The following SPAST variants were observed in gnomAD, a reference collection of about 807,000 sequenced individuals.
SPAST encodes spastin, also known as spastic paraplegia 4 (autosomal dominant; spastin).
SPAST carries 30 observed loss-of-function variants against 76.6 expected under a neutral mutation model. The observed-to-expected ratio is 0.39, with a 90% CI of 0.29 to 0.53. The LOEUF is 0.53. Among genes scored for constraint, SPAST ranks in the 20% least tolerant of loss-of-function variants. The pLI, the probability that SPAST is intolerant of heterozygous loss-of-function variation, is 0.68. For synonymous variants in SPAST, 305 were observed against 281.0 expected (o/e 1.09, Z -0.86); for missense variants, 717 against 770.5 (o/e 0.93, Z 0.82).
At chr2:32,101,600 A>G (rs1678128533) in intron 4 of SPAST, among the ~76,000 whole-genome samples, 1 of 152,124 alleles carries the variant, frequency 6.6e-6, no homozygotes, top group Non-Finnish European at 1.5e-5. Flanking sequence ...GGGTTTTTAT[A>G]GTTTTAGAAC....
At chr2:32,117,115 T>C (rs1678863558) in intron 7 of SPAST, among the ~76,000 whole-genome samples, 1 of 151,834 alleles carries the variant, frequency 6.6e-6, no homozygotes, top group African/African-American at 2.4e-5. Flanking sequence ...AAAAATTAGC[T>C]GGGCTTGGTG....
At chr2:32,075,896 C>CTTTTTTTT (rs1209272322) in intron 1 of SPAST, among the ~76,000 whole-genome samples, 2 of 81,764 alleles carry the variant, frequency 2.4e-5, no homozygotes, top group African/African-American at 5.1e-5. Flanking sequence ...TCAAAATGCT[C>CTTTTTTTT]TTTTTTTTTT....
At chr2:32,068,529 G>C (rs1676618034) in intron 1 of SPAST, among the ~76,000 whole-genome samples, 1 of 151,766 alleles carries the variant, frequency 6.6e-6, no homozygotes, top group East Asian at 1.9e-4. Context: ...TCACCATGTT[G>C]GCCAGGCTGT....
intron 7 of SPAST, among the ~76,000 whole-genome samples, chr2:32,117,728 T>G (rs1678889239): frequency 6.6e-6 from 1 of 151,970 alleles, no homozygotes; most frequent in African/African-American, 2.4e-5. Context: ...GATAGGGTTT[T>G]ACCATTTTGG....
At chr2:32,088,581 T>C (rs1008723565) in intron 2 of SPAST, among the ~76,000 whole-genome samples, 2 of 152,024 alleles carry the variant, frequency 1.3e-5, no homozygotes, top group Non-Finnish European at 2.9e-5. Flanking sequence ...GAGGCGGAGG[T>C]TGTGGTAAGC....
intron 3 of SPAST, among the ~76,000 whole-genome samples, chr2:32,095,567 A>G (rs557538570): frequency 6.8e-6 from 1 of 147,484 alleles, no homozygotes; most frequent in African/African-American, 2.5e-5. Context: ...CCCCATGTCT[A>G]AATTTAAAAA....
chr2:32,083,776 A>ATATATATATATT (rs1553398791), intron 1 of SPAST, among the ~76,000 whole-genome samples: 1 of 46,072 alleles, frequency 2.2e-5, no homozygotes, highest in Non-Finnish European at 3.7e-5. Context: ...ATATATATAT[A>ATATATATATATT]TTTTTTTTTT....
chr2:32,069,111 G>A (rs1175298736), intron 1 of SPAST, among the ~76,000 whole-genome samples: 1 of 151,734 alleles, frequency 6.6e-6, no homozygotes, highest in African/African-American at 2.4e-5. Context: ...TACTTGGGAC[G>A]CTGACGCAGG....
At chr2:32,094,447 A>G (rs745667361) in intron 3 of SPAST, among the ~76,000 whole-genome samples, 1 of 152,150 alleles carries the variant, frequency 6.6e-6, no homozygotes, top group Non-Finnish European at 1.5e-5. Flanking sequence ...GATACCTGGG[A>G]CAATAATGGT....
At chr2:32,128,280 C>G (rs1407885392) in intron 8 of SPAST, 128 bp from the exon 9 acceptor site, 1 of 715,270 alleles carries the variant, frequency 1.4e-6, no homozygotes, top group African/African-American at 1.8e-5. Flanking sequence ...CAGGCATGAG[C>G]CACCACACCT....
At chr2:32,108,783 T>TG (rs11412978) in intron 4 of SPAST, among the ~76,000 whole-genome samples, 1 of 145,946 alleles carries the variant, frequency 6.9e-6, no homozygotes, top group Non-Finnish European at 1.5e-5. Context: ...TTTTTTTTTT[T>TG]GTGACAGAGT....
At chr2:32,142,305 T>C (rs754080833) in intron 13 of SPAST, among the ~76,000 whole-genome samples, 1 of 152,220 alleles carries the variant, frequency 6.6e-6, no homozygotes, top group Non-Finnish European at 1.5e-5. Context: ...TCACTTCATA[T>C]ATTAAGTTTT....
At position 32,114,683 on chromosome 2, in the gene SPAST, G is replaced by A. The variant is rs955517877; in HGVS notation, c.728G>A (p.Ser243Asn). Residue 243 changes from serine (S) to asparagine (N), a missense_variant, in exon 5 of 17, where the codon AGT (serine) becomes AAT (asparagine). By Grantham distance (46) the Ser-to-Asn change is conservative. This residue lies in a region of SPAST where 543 missense variants were observed against 445.2 expected (regional missense o/e 1.22). Coordinates refer to ENST00000315285, the MANE Select transcript of SPAST (RefSeq NM_014946.4). ...AGAAAAGACCCCTTAACACACACTA[G>A]TAATTCACTGCCTCGTTCAAAAACA... ...PKRKDPLTHT[S>N]NSLPRSKTVM... 1.2e-6 allele frequency: 2 copies of A among 1,613,976 alleles called. No homozygotes were observed. The highest frequency in any genetic ancestry group is 1.7e-6 in the Non-Finnish European group (2 of 1,180,016).
Position 32,144,394 on chromosome 2 carries a change from G to A in SPAST, c.1617-543G>A, listed in dbSNP as rs149169341. On this transcript the variant is annotated intron_variant, in intron 14 of 16. Transcript: ENST00000315285. ...GGTGACATGTTTACAATTTAATGAA[G>A]CCTCTGGAGATAGTATGCCTTAATC... Among the ~76,000 whole-genome samples, 501 of 152,272 alleles carry A rather than the reference G, an allele frequency of 3.3e-3. 12 individuals are homozygous for A. In the East Asian group the frequency reaches 0.068, roughly 21 times the overall value.
At position 32,154,654 on chromosome 2, in the gene SPAST, C is replaced by T. The variant is rs1437347499; in HGVS notation, c.*158C>T. ...ACTTGAAGATGAACCAGAAAACAGA[C>T]TTAAACAAAATATACAATGCAAATG... On this transcript the variant is annotated 3_prime_UTR_variant, in exon 17 of 17. Coordinates refer to ENST00000315285, the MANE Select transcript of SPAST (RefSeq NM_014946.4). 1 of 738,796 alleles carries T rather than the reference C, an allele frequency of 1.4e-6. No homozygotes were observed. The highest frequency in any genetic ancestry group is 2.2e-6 in the Non-Finnish European group (1 of 445,844). 45.8% of individuals were successfully genotyped at this position (738,796 alleles called of 1,614,324 possible). A position where few individuals can be genotyped will look rare whatever the true frequency, so the allele number is the denominator to read the frequency against.
chr2:32,089,385 A>T, intron 2 of SPAST, 137 bp from the exon 3 acceptor site: 1 of 590,014 alleles, frequency 1.7e-6, no homozygotes, highest in Non-Finnish European at 3.0e-6. Context: ...TTTTGGGTAT[A>T]CATTTTCTTC....
intron 4 of SPAST, among the ~76,000 whole-genome samples, chr2:32,100,568 G>C (rs2148719146): frequency 6.6e-6 from 1 of 152,008 alleles, no homozygotes; most frequent in South Asian, 2.1e-4. Context: ...CCATTAACTT[G>C]TCATTTACAT....
chr2:32,151,766 C>G (rs1319455236), intron 16 of SPAST, among the ~76,000 whole-genome samples: 1 of 151,964 alleles, frequency 6.6e-6, no homozygotes, highest in Non-Finnish European at 1.5e-5. Flanking sequence ...AAAAATTAGC[C>G]GGGCGTGGTG....
intron 1 of SPAST, among the ~76,000 whole-genome samples, chr2:32,080,191 T>A (rs953847214): frequency 1.3e-5 from 2 of 152,230 alleles, no homozygotes; most frequent in African/African-American, 4.8e-5. Context: ...GCTCAGCATT[T>A]TGTCATGTAC....
Sources: gnomAD v4.1 joint callset for allele counts (sites outside exome capture counted in the v4.1 genomes callset) on GRCh38, gnomAD v4.1.1 for gene constraint, gnomAD v4.1.1 regional missense constraint, MANE v1.5 for transcripts, NCBI Gene and HGNC (gene_info 2026-07-23, HGNC 2026-07-21) for gene names.